MYCBP2: variants seen among roughly 807,000 people sequenced by gnomAD.
MYCBP2 encodes MYC binding protein 2, also known as E3 ubiquitin-protein ligase MYCBP2.
MYCBP2 carries 120 observed loss-of-function variants against 525.3 expected under a neutral mutation model. That is an observed-to-expected ratio of 0.23 (90% confidence interval 0.20 to 0.27). MYCBP2 has a LOEUF of 0.27. Among genes scored for constraint, MYCBP2 ranks in the 10% least tolerant of loss-of-function variants. MYCBP2 has a pLI of 1.00. For missense variants in MYCBP2, 4,149 were observed against 5,657.1 expected, an observed-to-expected ratio of 0.73 and a Z score of 8.55; for synonymous variants, 1,894 against 1,955.8, an observed-to-expected ratio of 0.97 and a Z score of 0.83.
intron 1 of MYCBP2, among the ~76,000 whole-genome samples, chr13:77,314,593 C>G (rs2080698353): frequency 6.6e-6 from 1 of 152,086 alleles, no homozygotes; most frequent in African/African-American, 2.4e-5. Flanking sequence ...TAAGTGATTA[C>G]CTGGGGTTGA....
intron 5 of MYCBP2, 71 bp downstream of exon 5, chr13:77,273,401 T>A: frequency 7.4e-7 from 1 of 1,350,008 alleles, no homozygotes; most frequent in Non-Finnish European, 1.0e-6. Context: ...AGAATTCCTA[T>A]TGACAGAAAT....
intron 29 of MYCBP2, among the ~76,000 whole-genome samples, chr13:77,189,270 T>C (rs940994193): frequency 6.6e-6 from 1 of 152,176 alleles, no homozygotes; most frequent in Non-Finnish European, 1.5e-5. Flanking sequence ...GACCGAGTAG[T>C]AGAGGCTTTT....
chr13:77,125,513 G>A (rs767096180), intron 53 of MYCBP2, 45 bp from the exon 54 acceptor site: 1 of 1,608,096 alleles, frequency 6.2e-7, no homozygotes, highest in South Asian at 1.1e-5. Flanking sequence ...GATTCTTTCA[G>A]GGAACTCAGT....
In MYCBP2 at chr13:77,168,475, T is replaced by A; in HGVS notation, c.6067A>T (p.Ile2023Leu). The change falls in exon 40 of 83, where the codon ATA becomes TTA. Residue 2023 changes from isoleucine (I) to leucine (L), a missense_variant. Physicochemically the swap from Ile to Leu is conservative, Grantham distance 5 (BLOSUM62 2). This residue lies in a region of MYCBP2 where 692 missense variants were observed against 852.7 expected (regional missense o/e 0.81). Coordinates refer to ENST00000544440, the MANE Select transcript of MYCBP2 (RefSeq NM_015057.5). The part of the protein sequence containing the change: ...ACTTSSHYAV[I>L]ESEHPYKPAC... The stretch of plus-strand genomic sequence containing the variant: ...GGTTTATACGGGTGCTCACTCTCTA[T>A]GACAGCATAGTGACTGGAGGTTGTA... 1.9e-6 allele frequency: 3 copies of A among 1,614,142 alleles called. No homozygotes were observed. Among genetic ancestry groups the A allele is most frequent in the Non-Finnish European group, 1.7e-6 (2 of 1,180,030 alleles).
At chr13:77,063,243 C>A (rs2039619386) in intron 73 of MYCBP2, among the ~76,000 whole-genome samples, 1 of 152,058 alleles carries the variant, frequency 6.6e-6, no homozygotes, top group East Asian at 1.9e-4. Context: ...ACATACATGT[C>A]TAAAAGCTTT....
intron 3 of MYCBP2, among the ~76,000 whole-genome samples, chr13:77,283,319 T>G (rs2076391559): frequency 1.3e-5 from 2 of 152,184 alleles, no homozygotes; most frequent in Non-Finnish European, 2.9e-5. Context: ...GAGTCCTTTC[T>G]CTAACGTGTT....
chr13:77,088,407 T>C (rs535967013), intron 61 of MYCBP2, among the ~76,000 whole-genome samples: 1 of 152,214 alleles, frequency 6.6e-6, no homozygotes, highest in South Asian at 2.1e-4. Context: ...TTACTATATA[T>C]AGGCCTGTAA....
chr13:77,129,614 A>C (rs2052381047), intron 52 of MYCBP2: 1 of 156,018 alleles, frequency 6.4e-6, no homozygotes, highest in African/African-American at 2.4e-5. Context: ...TTATAATAAA[A>C]ATGGAAATGA....
intron 27 of MYCBP2, among the ~76,000 whole-genome samples, chr13:77,193,176 G>A (rs1169347633): frequency 6.6e-6 from 1 of 151,708 alleles, no homozygotes; most frequent in Non-Finnish European, 1.5e-5. Flanking sequence ...AATAAATACG[G>A]CAAATGACAA....
chr13:77,291,611 T>C (rs2077481553), intron 2 of MYCBP2, among the ~76,000 whole-genome samples: 1 of 152,024 alleles, frequency 6.6e-6, no homozygotes, highest in South Asian at 2.1e-4. Context: ...CTACTAAAAA[T>C]ACAAAATTAG....
chr13:77,185,725 C>A, intron 31 of MYCBP2, 146 bp downstream of exon 31: 1 of 595,304 alleles, frequency 1.7e-6, no homozygotes, highest in South Asian at 3.1e-5. Context: ...AATACATAAG[C>A]ATCATAGCAA....
chr13:77,141,598 C>A (rs140357805), intron 49 of MYCBP2, among the ~76,000 whole-genome samples: 1 of 151,882 alleles, frequency 6.6e-6, no homozygotes, highest in African/African-American at 2.4e-5. Context: ...TAGTGAAACC[C>A]CATCTCTACT....
At chr13:77,250,730 A>T (rs2071056907) in intron 15 of MYCBP2, among the ~76,000 whole-genome samples, 1 of 152,250 alleles carries the variant, frequency 6.6e-6, no homozygotes, top group Non-Finnish European at 1.5e-5. Context: ...GGTACATTTA[A>T]TTTAAAACAA....
intron 6 of MYCBP2, 63 bp from the exon 7 acceptor site, chr13:77,270,126 T>C (rs534788892): frequency 1.3e-6 from 2 of 1,502,300 alleles, no homozygotes; most frequent in Admixed American, 4.1e-5. Context: ...TGAAAAATAA[T>C]ACAAATGGGT....
At chr13:77,312,134 T>C (rs1390469224) in intron 1 of MYCBP2, among the ~76,000 whole-genome samples, 1 of 152,088 alleles carries the variant, frequency 6.6e-6, no homozygotes, top group Non-Finnish European at 1.5e-5. Context: ...CTCGGAATTA[T>C]ATATCCACCT....
rs1204800155 is a variant in MYCBP2, at chr13:77,243,956, G to A, written c.2382-5C>T. 10 of 1,458,118 alleles carry A rather than the reference G, an allele frequency of 6.9e-6. No homozygotes were observed. Among genetic ancestry groups the A allele is most frequent in the East Asian group, 2.5e-5 (1 of 40,556 alleles). The allele number at this position is 1,458,118 out of a possible 1,614,324, so 90.3% of individuals were successfully genotyped here. Reference sequence around the variant, plus strand: ...CCGGAACCACAACCACAGATCCTAGGGGGAAATACAAAAAAAAAAAAAAAA... The same window carrying A: ...CCGGAACCACAACCACAGATCCTAGAGGGAAATACAAAAAAAAAAAAAAAA... On this transcript the variant is annotated splice_region_variant and splice_polypyrimidine_tract_variant and intron_variant, in intron 15 of 82. Coordinates refer to ENST00000544440, the MANE Select transcript of MYCBP2 (RefSeq NM_015057.5).
At position 77,144,555 on chromosome 13, in the gene MYCBP2, C is replaced by T. The variant is rs1431480498; in HGVS notation, c.7193G>A (p.Ser2398Asn). ...RFASPTPKRP[S>N]ENMLIRVNND... is the part of the protein sequence containing the mutation. ...ATTGACACGGATCAGCATATTCTCA[C>T]TGGGTCTGAAAAGAAATAAGATGGA... The change falls in exon 49 of 83, where the codon AGT becomes AAT. Residue 2398 changes from serine to asparagine, a missense_variant. Around this residue, in one of 21 missense-constraint regions of MYCBP2, gnomAD observed 692 missense variants for 852.7 expected, o/e 0.81. Transcript: ENST00000544440. 6.2e-7 allele frequency: 1 copy of T among 1,608,222 alleles called. No homozygotes were observed. The highest frequency in any genetic ancestry group is 1.7e-5 in the Admixed American group (1 of 59,966).
Position 77,269,956 on chromosome 13 carries a change from T to C in MYCBP2, c.1260+36A>G, listed in dbSNP as rs747684058. Reference sequence around the variant, plus strand: ...AGGACAAATCACATGTTGTAAAAGATAAGAAAATTTTGGTTTATTGTGGAT... The same window carrying C: ...AGGACAAATCACATGTTGTAAAAGACAAGAAAATTTTGGTTTATTGTGGAT... On this transcript the variant is annotated intron_variant, in intron 7 of 82. Coordinates refer to ENST00000544440, the MANE Select transcript of MYCBP2 (RefSeq NM_015057.5). 14 of 1,476,502 alleles carry C rather than the reference T, an allele frequency of 9.5e-6. No individual in the cohort carries two copies. In the Admixed American group the frequency reaches 2.5e-4, roughly 26 times the overall value. 91.5% of individuals were successfully genotyped at this position (1,476,502 alleles called of 1,614,324 possible).
chr13:77,206,338 TTAAA>T (rs1200601536), intron 24 of MYCBP2, among the ~76,000 whole-genome samples: 4 of 149,148 alleles, frequency 2.7e-5, no homozygotes, highest in African/African-American at 4.9e-5. Flanking sequence ...TATACATAAA[TTAAA>T]TATTATATAC....
Sources: gnomAD v4.1 joint callset for allele counts (sites outside exome capture counted in the v4.1 genomes callset) on GRCh38, gnomAD v4.1.1 for gene constraint, gnomAD v4.1.1 regional missense constraint, MANE v1.5 for transcripts, NCBI Gene and HGNC (gene_info 2026-07-23, HGNC 2026-07-21) for gene names.